The following LSAMP variants were observed in gnomAD, a reference collection of about 807,000 sequenced individuals.
LSAMP encodes limbic system associated membrane protein, also known as limbic system-associated membrane protein.
In LSAMP, 7 loss-of-function variants were observed where a neutral mutation model predicts 38.6. The ratio of observed to expected loss-of-function variants is 0.18; its 90% CI spans 0.10 to 0.34. The LOEUF (loss-of-function observed/expected upper bound fraction) is 0.34, where lower values mean the gene tolerates loss of function less well. Ranked by LOEUF, LSAMP falls within the 10% of genes least tolerant of loss-of-function variation. The probability of loss-of-function intolerance (pLI) is 1.00; values close to 1 mark genes in which losing one functional copy is unlikely to be tolerated. For missense variants in LSAMP, 313 were observed against 420.0 expected (o/e 0.75, Z 2.23); for synonymous variants, 154 against 166.8 (o/e 0.92, Z 0.59).
In LSAMP at chr3:116,181,759, G is replaced by A. The variant is rs115444875; in HGVS notation, c.156-95203C>T. 7.3e-3 allele frequency among the ~76,000 whole-genome samples: 1,108 copies of A among 151,972 alleles called. 8 individuals are homozygous for A. The highest frequency in any genetic ancestry group is 0.012 in the Non-Finnish European group (824 of 67,868). ...CAGATACCACACTCCCATCTTCATT[G>A]CCACTGTGACCCAAGACTGATTTTC... On this transcript the variant is annotated intron_variant, in intron 1 of 6. Transcript: ENST00000490035.
chr3:115,954,506 C>T (rs1576252775), intron 3 of LSAMP, among the ~76,000 whole-genome samples: 1 of 152,092 alleles, frequency 6.6e-6, no homozygotes, highest in Non-Finnish European at 1.5e-5. Context: ...ATGGACATGG[C>T]AAATGGAAAC....
At chr3:116,270,990 G>C (rs1450787783) in intron 1 of LSAMP, among the ~76,000 whole-genome samples, 1 of 152,068 alleles carries the variant, frequency 6.6e-6, no homozygotes, top group Non-Finnish European at 1.5e-5. Context: ...ATAGAGTACA[G>C]ATTCTTTTCA....
intron 1 of LSAMP, among the ~76,000 whole-genome samples, chr3:116,230,931 T>C (rs1439656588): frequency 6.6e-6 from 1 of 152,148 alleles, no homozygotes; most frequent in Non-Finnish European, 1.5e-5. Context: ...TTTGTAGTCT[T>C]ATTAATGAAG....
chr3:115,891,443 T>C (rs1278478649), intron 3 of LSAMP, among the ~76,000 whole-genome samples: 1 of 152,046 alleles, frequency 6.6e-6, no homozygotes, highest in African/African-American at 2.4e-5. Flanking sequence ...AGCCACGTCA[T>C]CCCAGTCAAA....
rs116922358 is a variant in LSAMP at position 116,398,874 on chromosome 3, T to C, written c.155+46003A>G. Among the ~76,000 whole-genome samples, 11 of 152,224 alleles carry C rather than the reference T, an allele frequency of 7.2e-5. No homozygotes were observed. The East Asian group carries it at 1.9e-3, about 27-fold the overall frequency. ...ATAAATGAATCCAATAAGAATCCAA[T>C]AGACAGTGTTGAATGTAAAAGGATT... On this transcript the variant is annotated intron_variant, in intron 1 of 6. Coordinates refer to ENST00000490035, the MANE Select transcript of LSAMP (RefSeq NM_002338.5).
chr3:116,182,679 G>GT (rs1364195308), intron 1 of LSAMP, among the ~76,000 whole-genome samples: 1 of 151,722 alleles, frequency 6.6e-6, no homozygotes, highest in Admixed American at 6.6e-5. Flanking sequence ...AGAATCACCT[G>GT]TTTTTTTGAT....
At chr3:116,352,619 C>T (rs1285250637) in intron 1 of LSAMP, among the ~76,000 whole-genome samples, 2 of 152,090 alleles carry the variant, frequency 1.3e-5, no homozygotes, top group Non-Finnish European at 2.9e-5. Flanking sequence ...TTTACCTAGT[C>T]TCTCCAGAGA....
At chr3:115,973,503 C>T (rs556878492) in intron 3 of LSAMP, among the ~76,000 whole-genome samples, 41 of 152,238 alleles carry the variant, frequency 2.7e-4, no homozygotes, top group Admixed American at 1.6e-3. Context: ...GAGGCTGAGG[C>T]GGGTGGATCA....
chr3:116,302,760 G>T (rs1236047843), intron 1 of LSAMP, among the ~76,000 whole-genome samples: 1 of 152,126 alleles, frequency 6.6e-6, no homozygotes, highest in African/African-American at 2.4e-5. Context: ...CAAATAACAT[G>T]ATGTGATTTC....
intron 3 of LSAMP, among the ~76,000 whole-genome samples, chr3:115,918,057 G>T (rs1481667603): frequency 2.0e-5 from 3 of 152,134 alleles, no homozygotes; most frequent in Admixed American, 2.0e-4. Flanking sequence ...CAGGGGTCAG[G>T]TCAGGTTCAA....
intron 1 of LSAMP, among the ~76,000 whole-genome samples, chr3:116,418,032 A>C (rs565896115): frequency 6.6e-6 from 1 of 152,338 alleles, no homozygotes; most frequent in South Asian, 2.1e-4. Flanking sequence ...CAATCTTAAA[A>C]AGTTGTGCCA....
intron 1 of LSAMP, among the ~76,000 whole-genome samples, chr3:116,405,469 T>G (rs2048887037): frequency 6.6e-6 from 1 of 152,126 alleles, no homozygotes; most frequent in East Asian, 1.9e-4. Context: ...ATGTTCTGTC[T>G]GACACACTGC....
intron 1 of LSAMP, among the ~76,000 whole-genome samples, chr3:116,299,767 GAAAC>G (rs766987864): frequency 1.3e-5 from 2 of 152,146 alleles, no homozygotes; most frequent in Non-Finnish European, 2.9e-5. Flanking sequence ...GCTCAGAAAA[GAAAC>G]AAATCGTCTA....
At chr3:116,349,313 C>A (rs533054097) in intron 1 of LSAMP, among the ~76,000 whole-genome samples, 2 of 151,816 alleles carry the variant, frequency 1.3e-5, no homozygotes, top group Admixed American at 6.6e-5. Flanking sequence ...GATGTGAAGT[C>A]CATACTGTGG....
chr3:116,409,185 T>G (rs961876494), intron 1 of LSAMP, among the ~76,000 whole-genome samples: 3 of 152,034 alleles, frequency 2.0e-5, no homozygotes, highest in African/African-American at 4.8e-5. Flanking sequence ...ACCAGCTGTT[T>G]GTTTAAGCAT....
At chr3:115,902,749 C>A (rs182932902) in intron 3 of LSAMP, among the ~76,000 whole-genome samples, 1 of 152,100 alleles carries the variant, frequency 6.6e-6, no homozygotes, top group Non-Finnish European at 1.5e-5. Flanking sequence ...AGGAGCTCAA[C>A]ATCATTGGTC....
At chr3:115,994,758 C>T (rs964413110) in intron 3 of LSAMP, among the ~76,000 whole-genome samples, 3 of 152,054 alleles carry the variant, frequency 2.0e-5, no homozygotes, top group African/African-American at 4.8e-5. Flanking sequence ...GGTGCCTTCA[C>T]TTTTCTTTTC....
chr3:116,051,793 T>C (rs529773744), intron 2 of LSAMP, among the ~76,000 whole-genome samples: 30 of 151,738 alleles, frequency 2.0e-4, no homozygotes, highest in African/African-American at 7.3e-4. Context: ...CAGTTGGAAG[T>C]CACTGGCAGG....
At chr3:116,239,731 C>CAGTCA in intron 1 of LSAMP, among the ~76,000 whole-genome samples, 1 of 152,190 alleles carries the variant, frequency 6.6e-6, no homozygotes, top group South Asian at 2.1e-4. Context: ...GTCAGGAAGT[C>CAGTCA]TGTTAAATGC....
Sources: gnomAD v4.1 joint callset for allele counts (sites outside exome capture counted in the v4.1 genomes callset) on GRCh38, gnomAD v4.1.1 for gene constraint, MANE v1.5 for transcripts, NCBI Gene and HGNC (gene_info 2026-07-23, HGNC 2026-07-21) for gene names.